Variants in MARK2 observed in about 807,000 individuals in gnomAD.
The protein encoded by MARK2 is serine/threonine-protein kinase MARK2.
In MARK2, 16 loss-of-function variants were observed where a neutral mutation model predicts 89.8. The ratio of observed to expected loss-of-function variants is 0.18; its 90% CI spans 0.12 to 0.27. The LOEUF (loss-of-function observed/expected upper bound fraction) is 0.27, where lower values mean the gene tolerates loss of function less well. Ranked by LOEUF, MARK2 falls within the 10% of genes least tolerant of loss-of-function variation. The pLI is 1.00. For synonymous variants in MARK2, 382 were observed against 399.5 expected, an observed-to-expected ratio of 0.96 and a Z score of 0.52; for missense variants, 621 against 1,049.9, an observed-to-expected ratio of 0.59 and a Z score of 5.65.
chr11:63,843,320 T>C (rs1303924140), intron 1 of MARK2, among the ~76,000 whole-genome samples: 1 of 152,186 alleles, frequency 6.6e-6, no homozygotes, highest in African/African-American at 2.4e-5. Context: ...TGCTAGAGTT[T>C]TCCATAACAC....
At chr11:63,905,634 G>A (rs1222125369) in intron 16 of MARK2, among the ~76,000 whole-genome samples, 1 of 152,260 alleles carries the variant, frequency 6.6e-6, no homozygotes, top group African/African-American at 2.4e-5. Flanking sequence ...GTTGGACCCA[G>A]GGTGGGGATC....
At chr11:63,853,440 A>AT in intron 1 of MARK2, among the ~76,000 whole-genome samples, 1 of 152,264 alleles carries the variant, frequency 6.6e-6, no homozygotes, top group East Asian at 1.9e-4. Context: ...CCAAGTTAAT[A>AT]TCTTATTTAC....
intron 3 of MARK2, among the ~76,000 whole-genome samples, chr11:63,897,016 T>TC (rs1940465292): frequency 1.3e-5 from 2 of 152,194 alleles, no homozygotes; most frequent in Admixed American, 6.5e-5. Context: ...CTTTTGAGAC[T>TC]CTTTGTTACT....
intron 17 of MARK2, among the ~76,000 whole-genome samples, chr11:63,907,880 C>G (rs1300192140): frequency 1.3e-5 from 2 of 152,242 alleles, no homozygotes; most frequent in Non-Finnish European, 2.9e-5. Context: ...ACCTGCAACC[C>G]CCAGAACAGC....
rs911955113 is a variant in MARK2, at chr11:63,895,203, C to T, written c.99C>T (p.Asn33=). The T allele has an allele frequency of 6.2e-7, 1 of 1,614,138 alleles. No homozygotes were observed. The highest frequency in any genetic ancestry group is 8.5e-7 in the Non-Finnish European group (1 of 1,180,008). The change falls in exon 2 of 19, where the codon AAC becomes AAT. Residue 33 remains asparagine (N), a synonymous_variant. Transcript: ENST00000402010. ...HLDSKPSSKS[N]MIRGRNSATS... is the part of the protein sequence containing the mutation. ...ACTCCAAGCCCAGCAGTAAGTCCAACATGATTCGGGGCCGCAACTCAGCCA... is the reference window on the plus strand; with the variant it reads ...ACTCCAAGCCCAGCAGTAAGTCCAATATGATTCGGGGCCGCAACTCAGCCA...
intron 1 of MARK2, among the ~76,000 whole-genome samples, chr11:63,852,047 CATAGTAACGTTA>C (rs2016598364): frequency 6.6e-6 from 1 of 152,186 alleles, no homozygotes; most frequent in African/African-American, 2.4e-5. Flanking sequence ...AAATTCTGTT[CATAGTAACGTTA>C]ACACAGTGTT....
chr11:63,898,726 C>A, intron 5 of MARK2, 37 bp from the exon 6 acceptor site: 1 of 1,609,536 alleles, frequency 6.2e-7, no homozygotes. Flanking sequence ...CCACCTCCAG[C>A]CAGCTCTGAC....
intron 1 of MARK2, among the ~76,000 whole-genome samples, chr11:63,853,392 T>TAA (rs146715941): frequency 2.4e-5 from 3 of 125,544 alleles, no homozygotes; most frequent in Admixed American, 8.0e-5. Flanking sequence ...AGAGCGAAAC[T>TAA]AAAAAAAAAA....
chr11:63,853,608 G>T (rs1484236773), intron 1 of MARK2, among the ~76,000 whole-genome samples: 1 of 152,150 alleles, frequency 6.6e-6, no homozygotes, highest in African/African-American at 2.4e-5. Flanking sequence ...ATAACTTCCT[G>T]AATCTCATGA....
chr11:63,846,679 G>A (rs1263671835), intron 1 of MARK2, among the ~76,000 whole-genome samples: 76 of 144,284 alleles, frequency 5.3e-4, no homozygotes, highest in African/African-American at 1.7e-3. Context: ...TTTTTGAGAC[G>A]TTGTCTTGCC....
chr11:63,846,175 A>C (rs1422256332), intron 1 of MARK2, among the ~76,000 whole-genome samples: 1 of 151,978 alleles, frequency 6.6e-6, no homozygotes, highest in Non-Finnish European at 1.5e-5. Flanking sequence ...GATAAGTATA[A>C]ATAGGCTAGA....
At chr11:63,901,117 G>A (rs1311351234) in intron 11 of MARK2, 48 bp downstream of exon 11, 6 of 1,244,396 alleles carry the variant, frequency 4.8e-6, no homozygotes, top group Non-Finnish European at 7.1e-6. Flanking sequence ...CTCACTGTCT[G>A]TAGCACCTAT....
intron 1 of MARK2, among the ~76,000 whole-genome samples, chr11:63,865,044 T>C (rs1938050891): frequency 6.8e-6 from 1 of 146,698 alleles, no homozygotes; most frequent in South Asian, 2.2e-4. Context: ...CATGTGCCAC[T>C]ATGCCTGGCT....
intron 1 of MARK2, among the ~76,000 whole-genome samples, chr11:63,878,325 T>A (rs1263837061): frequency 6.6e-6 from 1 of 150,804 alleles, no homozygotes; most frequent in African/African-American, 2.4e-5. Context: ...CCTTAAGCTC[T>A]ACCCCAAATG....
At chr11:63,852,891 C>T (rs1420179781) in intron 1 of MARK2, among the ~76,000 whole-genome samples, 3 of 152,082 alleles carry the variant, frequency 2.0e-5, no homozygotes, top group African/African-American at 7.2e-5. Flanking sequence ...TCTTTAAAAG[C>T]CAAAATTTCT....
intron 1 of MARK2, chr11:63,890,237 C>A: frequency 7.5e-7 from 1 of 1,338,724 alleles, no homozygotes; most frequent in Middle Eastern, 2.6e-4. Context: ...TGCCTCCTTA[C>A]CCTGGCTCAC....
chr11:63,872,294 C>T (rs1364060471), intron 1 of MARK2, among the ~76,000 whole-genome samples: 1 of 152,180 alleles, frequency 6.6e-6, no homozygotes, highest in Non-Finnish European at 1.5e-5. Flanking sequence ...CTAGATTGCA[C>T]AACACAGCCA....
intron 17 of MARK2, among the ~76,000 whole-genome samples, chr11:63,906,725 A>C (rs1272801789): frequency 6.6e-6 from 1 of 151,866 alleles, no homozygotes; most frequent in African/African-American, 2.4e-5. Context: ...CCAAGGTTTC[A>C]GTCTGGCTCC....
Position 63,900,900 on chromosome 11 carries a change from G to A in MARK2, c.988+21G>A. On this transcript the variant is annotated intron_variant, in intron 10 of 18. Coordinates refer to ENST00000402010, the MANE Select transcript of MARK2 (RefSeq NM_001039469.3). This position sits in a 1 kb window ranked among gnomAD's most constrained non-coding sequence, Gnocchi z 4.7. ...GACAGGTGAGGCTGTGCCGGGCTGTGAGGTTAAGCTTGCCTAGGAGTTGAG... is the reference window on the plus strand; with the variant it reads ...GACAGGTGAGGCTGTGCCGGGCTGTAAGGTTAAGCTTGCCTAGGAGTTGAG... 6.2e-7 allele frequency: 1 copy of A among 1,613,634 alleles called. No individual in the cohort carries two copies. The highest frequency in any genetic ancestry group is 8.5e-7 in the Non-Finnish European group (1 of 1,179,488).
Sources: gnomAD v4.1 joint callset for allele counts (sites outside exome capture counted in the v4.1 genomes callset) on GRCh38, gnomAD v4.1.1 for gene constraint, Gnocchi (gnomAD v3.1) non-coding constraint, MANE v1.5 for transcripts, NCBI Gene and HGNC (gene_info 2026-07-23, HGNC 2026-07-21) for gene names.